The following ZNF611 variants were observed in gnomAD, a reference collection of about 807,000 sequenced individuals.
ZNF611 encodes zinc finger protein 611.
A neutral mutation model predicts 8.9 loss-of-function variants in ZNF611; 6 were observed. The observed-to-expected ratio is 0.68, with a 90% confidence interval of 0.37 to 1.34. ZNF611 has a LOEUF of 1.34. Ranked by LOEUF, ZNF611 falls within the 40% of genes most tolerant of loss-of-function variation. The pLI, the probability that ZNF611 is intolerant of heterozygous loss-of-function variation, is 0.02. For synonymous variants in ZNF611, 262 were observed against 279.7 expected (o/e 0.94, Z 0.63); for missense variants, 874 against 841.3 (o/e 1.04, Z -0.48).
chr19:52,705,091 C>T lies in ZNF611; in HGVS notation c.1964G>A (p.Cys655Tyr), dbSNP rs375788795. The stretch of plus-strand genomic sequence containing the variant: ...TGAATTACGCACGAAAGCCTTGTCA[C>T]AAATTGTACATTTGTAAGATTTCTC... The part of the protein sequence containing the change: ...TGEKSYKCTI[C>Y]DKAFVRNSLL... The change falls in exon 6 of 6, where the codon TGT (cysteine) becomes TAT (tyrosine). Residue 655 changes from cysteine (C) to tyrosine (Y), a missense_variant. Transcript: ENST00000652185. 1.2e-5 allele frequency: 19 copies of T among 1,614,030 alleles called. No individual in the cohort carries two copies. In the African/African-American group the frequency reaches 1.9e-4, roughly 16 times the overall value.
Position 52,704,273 on chromosome 19 carries a change from G to A in ZNF611, c.*664C>T, listed in dbSNP as rs980044266. The A allele has an allele frequency of 1.1e-4, 58 of 507,642 alleles. No individual in the cohort carries two copies. The highest frequency in any genetic ancestry group is 5.5e-4 in the South Asian group (35 of 64,046). 31.4% of individuals were successfully genotyped at this position (507,642 alleles called of 1,614,324 possible). A position where few individuals can be genotyped will look rare whatever the true frequency, so the allele number is the denominator to read the frequency against. On this transcript the variant is annotated 3_prime_UTR_variant, in exon 6 of 6. Transcript: ENST00000652185. ...TTGCTATACTCATTTCATTGGGAAC[G>A]GTTATCTCAAAAATGAATTTTCTGA... is the stretch of plus-strand genomic sequence containing the variant.
intron 3 of ZNF611, among the ~76,000 whole-genome samples, chr19:52,726,314 C>T (rs1243226704): frequency 6.6e-6 from 1 of 152,206 alleles, no homozygotes; most frequent in Non-Finnish European, 1.5e-5. Context: ...GCGGGAGAAT[C>T]GCTGAACCTG....
chr19:52,713,991 T>G (rs747806836), intron 5 of ZNF611, 24 bp downstream of exon 5: 2 of 1,613,886 alleles, frequency 1.2e-6, no homozygotes, highest in South Asian at 2.2e-5. Flanking sequence ...AGACTCCTCA[T>G]GTCTGCAGGG....
intron 3 of ZNF611, chr19:52,721,406 AGCAAGACTCCGTCT>A (rs1431105595): frequency 5.9e-6 from 1 of 168,514 alleles, no homozygotes; most frequent in Non-Finnish European, 1.2e-5. Context: ...GCACTGAGTG[AGCAAGACTCCGTCT>A]GCAATCCCGG....
chr19:52,725,716 A>C (rs367785460), intron 3 of ZNF611, among the ~76,000 whole-genome samples: 47 of 152,186 alleles, frequency 3.1e-4, no homozygotes, highest in Middle Eastern at 3.4e-3. Context: ...GCAGAGCAAA[A>C]CTCACGCGCC....
At chr19:52,722,057 A>G (rs1431088114) in intron 3 of ZNF611, among the ~76,000 whole-genome samples, 1 of 151,078 alleles carries the variant, frequency 6.6e-6, no homozygotes, top group Non-Finnish European at 1.5e-5. Flanking sequence ...CTGCAAAATA[A>G]TAATAATAAT....
Position 52,704,557 on chromosome 19 carries a change from G to A in ZNF611, c.*380C>T, listed in dbSNP as rs111747671. ...TCCAGTATGAGTTCACCGATGACCTGCAATATGTGAACGATCTCTGAAAAA... is the reference window on the plus strand; with the variant it reads ...TCCAGTATGAGTTCACCGATGACCTACAATATGTGAACGATCTCTGAAAAA... On this transcript the variant is annotated 3_prime_UTR_variant, in exon 6 of 6. Coordinates refer to ENST00000652185, the MANE Select transcript of ZNF611 (RefSeq NM_001161499.2). 2.1e-3 allele frequency: 2,975 copies of A among 1,406,828 alleles called. 46 individuals carry two copies. In the African/African-American group the frequency reaches 0.036, roughly 17 times the overall value. The allele number at this position is 1,406,828 out of a possible 1,614,324, so 87.1% of individuals were successfully genotyped here.
intron 3 of ZNF611, 27 bp from the exon 4 acceptor site, chr19:52,715,940 A>T (rs751063832): frequency 3.1e-6 from 5 of 1,610,328 alleles, no homozygotes; most frequent in East Asian, 2.2e-5. Context: ...ATGAGACTTC[A>T]TGTTAGAAAT....
intron 3 of ZNF611, among the ~76,000 whole-genome samples, chr19:52,720,563 C>G (rs1345304448): frequency 6.9e-6 from 1 of 145,900 alleles, no homozygotes. Flanking sequence ...GGCAGCCGGG[C>G]AGAGGCGCTC....
intron 4 of ZNF611, among the ~76,000 whole-genome samples, chr19:52,714,942 G>A (rs962156451): frequency 2.6e-4 from 40 of 151,986 alleles, no homozygotes; most frequent in Admixed American, 2.6e-3. Context: ...AGGTTGCAGT[G>A]AGCCAAGATC....
chr19:52,721,102 T>C, intron 3 of ZNF611: 2 of 153,116 alleles, frequency 1.3e-5, no homozygotes, highest in East Asian at 2.0e-4. Context: ...GAAGAGACGC[T>C]CCTCACTTCC....
chr19:52,714,025 C>A lies in ZNF611; in HGVS notation c.180G>T (p.Leu60=), dbSNP rs1371955381. ...REVMLENYRN[L]EAVDISSKCM... ...GGACATTTTCCTCACCCACAGCCTC[C>A]AGGTTCCTGTAGTTCTCCAACATCA... Residue 60 remains leucine, a synonymous_variant, in exon 5 of 6, where the codon CTG becomes CTT. Transcript: ENST00000652185. 1 of 1,614,132 alleles carries A rather than the reference C, an allele frequency of 6.2e-7. No homozygotes were observed. Among genetic ancestry groups the A allele is most frequent in the Admixed American group, 1.7e-5 (1 of 60,010 alleles).
At position 52,705,791 on chromosome 19, in the gene ZNF611, C is replaced by A. The variant is rs781657404; in HGVS notation, c.1264G>T (p.Ala422Ser). Residue 422 changes from alanine (A) to serine (S), a missense_variant, in exon 6 of 6, where the codon GCA becomes TCA. Ala to Ser is a moderately conservative substitution (Grantham distance 99). Coordinates refer to ENST00000652185, the MANE Select transcript of ZNF611 (RefSeq NM_001161499.2). ...TCATTACATTTATAAGTTTTCTTTG[C>A]AGTATGAATTCTTCTATGTCGAGCC... ...QLARHRRIHT[A>S]KKTYKCNECG... The A allele has an allele frequency of 1.3e-5, 21 of 1,613,788 alleles. No individual in the cohort carries two copies. The South Asian group carries it at 2.1e-4, about 16-fold the overall frequency.
At chr19:52,729,811 CAATAT>C (rs1478652453) in intron 2 of ZNF611, 90 bp downstream of exon 2, 3 of 152,168 alleles carry the variant, frequency 2.0e-5, no homozygotes, top group African/African-American at 4.8e-5. Flanking sequence ...CACCAGCACA[CAATAT>C]AAGAATTGAA....
Position 52,714,126 on chromosome 19 carries a change from G to T in ZNF611, c.79C>A (p.Arg27=), listed in dbSNP as rs146583693. 21,687 of 1,613,336 alleles carry T rather than the reference G, an allele frequency of 0.013. 184 individuals carry two copies. Among genetic ancestry groups the T allele is most frequent in the African/African-American group, 0.022 (1,658 of 74,884 alleles). Residue 27 remains arginine (R), a synonymous_variant, in exon 5 of 6, where the codon CGG becomes AGG. Transcript: ENST00000652185. ...MALPQGRLTF[R]DVAIEFSLAE... is the part of the protein sequence containing the mutation. The stretch of plus-strand genomic sequence containing the variant: ...AATGAGAATTCTATAGCCACATCCC[G>T]GAAAGTCAAGCGTCCCTAAAATGAA...
intron 1 of ZNF611, among the ~76,000 whole-genome samples, chr19:52,732,094 T>C (rs1445250575): frequency 6.6e-6 from 1 of 151,368 alleles, no homozygotes; most frequent in East Asian, 2.0e-4. Flanking sequence ...CACGGTGAAA[T>C]CCTGTCTCTA....
At chr19:52,733,434 G>A (rs1252661424) in intron 1 of ZNF611, among the ~76,000 whole-genome samples, 1 of 152,108 alleles carries the variant, frequency 6.6e-6, no homozygotes, top group Non-Finnish European at 1.5e-5. Context: ...CAGAGCAGCT[G>A]GGAGTACAGG....
Position 52,704,766 on chromosome 19 carries a change from A to G in ZNF611, c.*171T>C. 1 of 1,595,294 alleles carries G rather than the reference A, an allele frequency of 6.3e-7. No individual in the cohort carries two copies. The highest frequency in any genetic ancestry group is 1.7e-5 in the Admixed American group (1 of 59,954). On this transcript the variant is annotated 3_prime_UTR_variant, in exon 6 of 6. Coordinates refer to ENST00000652185, the MANE Select transcript of ZNF611 (RefSeq NM_001161499.2). Reference sequence around the variant, plus strand: ...TGCCAAAGGCTTTGCCACACTCATTACACTTGTAAGGTTTCTCTCCAGTGT... The same window carrying G: ...TGCCAAAGGCTTTGCCACACTCATTGCACTTGTAAGGTTTCTCTCCAGTGT...
intron 1 of ZNF611, among the ~76,000 whole-genome samples, chr19:52,734,185 A>T (rs1600341744): frequency 7.5e-6 from 1 of 132,684 alleles, no homozygotes; most frequent in South Asian, 2.4e-4. Flanking sequence ...CTGCTTTCTT[A>T]GGTTTTTTTT....
Sources: gnomAD v4.1 joint callset for allele counts (sites outside exome capture counted in the v4.1 genomes callset) on GRCh38, gnomAD v4.1.1 for gene constraint, MANE v1.5 for transcripts, NCBI Gene and HGNC (gene_info 2026-07-23, HGNC 2026-07-21) for gene names.